Variants in DLGAP2 observed in about 807,000 individuals in gnomAD.
DLGAP2 encodes disks large-associated protein 2.
A neutral mutation model predicts 100.3 loss-of-function variants in DLGAP2; 26 were observed. That is an observed-to-expected ratio of 0.26 (90% CI 0.19 to 0.36). The LOEUF is 0.36. Ranked by LOEUF, DLGAP2 falls within the 10% of genes least tolerant of loss-of-function variation. DLGAP2 has a pLI of 1.00. For synonymous variants in DLGAP2, 886 were observed against 630.1 expected (o/e 1.41, Z -6.08); for missense variants, 1,858 against 1,453.2 (o/e 1.28, Z -4.53).
At chr8:792,941 C>G (rs1402658705) in intron 1 of DLGAP2, among the ~76,000 whole-genome samples, 1 of 152,130 alleles carries the variant, frequency 6.6e-6, no homozygotes, top group African/African-American at 2.4e-5. Context: ...TCTATCAGCA[C>G]CTTTTACCTT....
chr8:1,594,296 C>T (rs76041793), intron 6 of DLGAP2, among the ~76,000 whole-genome samples: 7,716 of 151,970 alleles, frequency 0.051, 633 homozygotes, highest in African/African-American at 0.17. Flanking sequence ...ATGATTTATT[C>T]GACAGAGAAT....
intron 1 of DLGAP2, among the ~76,000 whole-genome samples, chr8:782,284 A>C (rs534122335): frequency 6.6e-6 from 1 of 152,240 alleles, no homozygotes; most frequent in African/African-American, 2.4e-5. Context: ...TTAGAATTCC[A>C]TAGATAACCT....
chr8:1,224,558 A>T (rs1798377521), intron 2 of DLGAP2, among the ~76,000 whole-genome samples: 1 of 152,210 alleles, frequency 6.6e-6, no homozygotes, highest in African/African-American at 2.4e-5. Context: ...AAATCAATGA[A>T]ACTGTAACTT....
At chr8:1,258,729 T>C in intron 2 of DLGAP2, 122 bp from the exon 3 acceptor site, 1 of 824,368 alleles carries the variant, frequency 1.2e-6, no homozygotes, top group Non-Finnish European at 1.6e-6. Context: ...GTCCACTGGC[T>C]CTGGTGTGGT....
chr8:1,300,629 G>A (rs561070651), intron 3 of DLGAP2: 4 of 152,376 alleles, frequency 2.6e-5, no homozygotes, highest in East Asian at 3.9e-4. Flanking sequence ...TGAGAACCCA[G>A]AGTCCAGCTT....
chr8:1,356,533 C>T (rs116330786), intron 3 of DLGAP2, among the ~76,000 whole-genome samples: 2,145 of 152,196 alleles, frequency 0.014, 26 homozygotes, highest in Non-Finnish European at 0.023. Context: ...AGCCAGGAAG[C>T]GCTCCTCCCT....
At chr8:1,071,260 C>G (rs1245415748) in intron 2 of DLGAP2, among the ~76,000 whole-genome samples, 3 of 152,218 alleles carry the variant, frequency 2.0e-5, no homozygotes. Context: ...TTAGACTACA[C>G]TTGTCACCTT....
At chr8:1,373,396 G>A (rs1802299416) in intron 3 of DLGAP2, among the ~76,000 whole-genome samples, 2 of 152,132 alleles carry the variant, frequency 1.3e-5, no homozygotes, top group Admixed American at 6.5e-5. Flanking sequence ...GCCCTGTGCC[G>A]CTTGCGTCCC....
rs554846188 is a variant in DLGAP2, at chr8:1,292,382, C to T, written c.106+33499C>T. Among the ~76,000 whole-genome samples the T allele has an allele frequency of 4.6e-5, 7 of 152,314 alleles. 1 individual carries two copies. In the South Asian group the frequency reaches 1.5e-3, roughly 32 times the overall value. Reference sequence around the variant, plus strand: ...ATCAGCCACCTGGAAACAGCTCATCCTGCCAGTCAGGGAGAGCTGCCTCCA... The same window carrying T: ...ATCAGCCACCTGGAAACAGCTCATCTTGCCAGTCAGGGAGAGCTGCCTCCA... On this transcript the variant is annotated intron_variant, in intron 3 of 14. Transcript: ENST00000637795.
At chr8:993,766 C>G (rs79120172) in intron 2 of DLGAP2, among the ~76,000 whole-genome samples, 1 of 147,308 alleles carries the variant, frequency 6.8e-6, no homozygotes, top group Non-Finnish European at 1.5e-5. Context: ...CTTTAAGACA[C>G]CATGCAAGCA....
At chr8:1,069,572 C>A (rs1046949773) in intron 2 of DLGAP2, among the ~76,000 whole-genome samples, 8 of 152,126 alleles carry the variant, frequency 5.3e-5, no homozygotes, top group Non-Finnish European at 1.0e-4. Flanking sequence ...GCTTTACTGT[C>A]CCTTCACCGT....
chr8:789,190 A>C (rs1232286958), intron 1 of DLGAP2, among the ~76,000 whole-genome samples: 1 of 152,222 alleles, frequency 6.6e-6, no homozygotes, highest in South Asian at 2.1e-4. Flanking sequence ...TCACTCTGCT[A>C]TAAAGAAATA....
At position 1,075,238 on chromosome 8, in the gene DLGAP2, C is replaced by T. The variant is rs556069569; in HGVS notation, c.73+167272C>T. On this transcript the variant is annotated intron_variant, in intron 2 of 14. Coordinates refer to ENST00000637795, the MANE Select transcript of DLGAP2 (RefSeq NM_001346810.2). The stretch of plus-strand genomic sequence containing the variant: ...TCTGCCCAGATGACCACTCCGGCTG[C>T]CTTTTCGAGTTAGGACCCTCTTGTT... Among the ~76,000 whole-genome samples the T allele has an allele frequency of 8.7e-4, 132 of 152,226 alleles. 1 individual carries two copies. The highest frequency in any genetic ancestry group is 3.0e-3 in the African/African-American group (125 of 41,548).
chr8:998,823 G>A (rs1410553300), intron 2 of DLGAP2, among the ~76,000 whole-genome samples: 1 of 152,140 alleles, frequency 6.6e-6, no homozygotes, highest in Non-Finnish European at 1.5e-5. Flanking sequence ...CATAACAGCA[G>A]TCTTTATACT....
chr8:1,284,318 C>T (rs1585221963), intron 3 of DLGAP2, among the ~76,000 whole-genome samples: 1 of 152,236 alleles, frequency 6.6e-6, no homozygotes, highest in South Asian at 2.1e-4. Context: ...CTGGATTCTG[C>T]TGTGCAGGTA....
intron 4 of DLGAP2, among the ~76,000 whole-genome samples, chr8:1,541,689 C>A (rs752527563): frequency 2.0e-5 from 3 of 152,222 alleles, no homozygotes; most frequent in African/African-American, 4.8e-5. Flanking sequence ...CTCACCCAGA[C>A]GAGATCTAAG....
chr8:998,888 G>A (rs1800862265), intron 2 of DLGAP2, among the ~76,000 whole-genome samples: 2 of 152,080 alleles, frequency 1.3e-5, no homozygotes, highest in Admixed American at 1.3e-4. Context: ...TCCAGTGCAG[G>A]GGCCTGGGTT....
intron 2 of DLGAP2, among the ~76,000 whole-genome samples, chr8:996,689 A>T (rs1172095738): frequency 1.3e-5 from 2 of 152,118 alleles, no homozygotes; most frequent in African/African-American, 4.8e-5. Flanking sequence ...ATGGAATGAA[A>T]CCCCCTCAAG....
chr8:1,105,737 C>T (rs1176840933), intron 2 of DLGAP2, among the ~76,000 whole-genome samples: 1 of 142,688 alleles, frequency 7.0e-6, no homozygotes, highest in Non-Finnish European at 1.5e-5. Context: ...CTTAAGGGGG[C>T]CATTCTAGGA....
Sources: allele counts gnomAD v4.1 joint callset (sites outside exome capture counted in the v4.1 genomes callset), GRCh38; gene constraint gnomAD v4.1.1; transcripts MANE v1.5; gene names NCBI Gene and HGNC (gene_info 2026-07-23, HGNC 2026-07-21).